Variants in SLC36A1 observed in about 807,000 individuals in gnomAD.
SLC36A1 encodes proton-coupled amino acid transporter 1.
A neutral mutation model predicts 47.5 loss-of-function variants in SLC36A1; 30 were observed. The observed-to-expected ratio is 0.63, with a 90% CI of 0.47 to 0.86. The LOEUF is 0.86. Ranked by LOEUF, SLC36A1 falls within the 40% of genes least tolerant of loss-of-function variation. The pLI is 0.00. For missense variants in SLC36A1, 517 were observed against 606.0 expected, an observed-to-expected ratio of 0.85 and a Z score of 1.54; for synonymous variants, 255 against 249.7, an observed-to-expected ratio of 1.02 and a Z score of -0.20.
the SLC36A1 span, among the ~76,000 whole-genome samples, chr5:151,354,073 G>A: frequency 1.3e-5 from 2 of 152,188 alleles, no homozygotes; most frequent in Non-Finnish European, 2.9e-5. Flanking sequence ...GAAGGCTGAG[G>A]AGGGTGGATC....
chr5:151,545,540 T>C, the SLC36A1 span: 1 of 1,614,128 alleles, frequency 6.2e-7, no homozygotes, highest in Non-Finnish European at 8.5e-7. Context: ...TTCACATCTC[T>C]GACATGAATG....
At chr5:151,372,311 G>A in the SLC36A1 span, among the ~76,000 whole-genome samples, 1 of 152,020 alleles carries the variant, frequency 6.6e-6, no homozygotes, top group African/African-American at 2.4e-5. Context: ...ATACTTCATG[G>A]TATTTCTAAA....
the SLC36A1 span, among the ~76,000 whole-genome samples, chr5:151,525,078 G>T: frequency 6.6e-6 from 1 of 152,136 alleles, no homozygotes; most frequent in South Asian, 2.1e-4. Context: ...AAATGGCCTC[G>T]CATGTAGTAG....
upstream of SLC36A1, among the ~76,000 whole-genome samples, chr5:151,445,843 T>G (rs558546239): frequency 6.6e-6 from 1 of 152,314 alleles, no homozygotes; most frequent in Admixed American, 6.5e-5. Flanking sequence ...GTGTCTTCAC[T>G]TTCATTTTTT....
chr5:151,391,434 C>A, the SLC36A1 span, among the ~76,000 whole-genome samples: 7 of 152,272 alleles, frequency 4.6e-5, no homozygotes, highest in South Asian at 1.2e-3. Flanking sequence ...ACTTCCAACA[C>A]TATGTTGAAT....
At chr5:151,513,250 G>A in the SLC36A1 span, among the ~76,000 whole-genome samples, 3 of 151,990 alleles carry the variant, frequency 2.0e-5, no homozygotes, top group South Asian at 4.2e-4. Context: ...TTTTTCTTTC[G>A]GAAAGTAATT....
At chr5:151,448,992 T>A (rs1409528977) in intron 1 of SLC36A1, among the ~76,000 whole-genome samples, 2 of 152,184 alleles carry the variant, frequency 1.3e-5, no homozygotes, top group Admixed American at 6.5e-5. Flanking sequence ...GCTCAAGTGA[T>A]CCTCCCACCT....
the SLC36A1 span, chr5:151,387,290 A>C: frequency 1.3e-5 from 2 of 152,358 alleles, no homozygotes; most frequent in African/African-American, 4.8e-5. Context: ...CAGGCTCTGG[A>C]GGACCCATGG....
chr5:151,365,745 ACTTCTTGGAAC>A, the SLC36A1 span, among the ~76,000 whole-genome samples: 2 of 152,210 alleles, frequency 1.3e-5, no homozygotes, highest in Non-Finnish European at 2.9e-5. Context: ...TAGTTCCCTA[ACTTCTTGGAAC>A]CTAGATGTCC....
At chr5:151,384,475 A>G in the SLC36A1 span, among the ~76,000 whole-genome samples, 1 of 152,190 alleles carries the variant, frequency 6.6e-6, no homozygotes, top group East Asian at 1.9e-4. Flanking sequence ...GCAAACATAT[A>G]TGTTTCATGC....
chr5:151,537,710 C>A, the SLC36A1 span: 9 of 1,379,760 alleles, frequency 6.5e-6, no homozygotes, highest in Non-Finnish European at 8.9e-6. Context: ...CCTGTTTCTT[C>A]TCCAAGGAGA....
the SLC36A1 span, among the ~76,000 whole-genome samples, chr5:151,528,730 T>C: frequency 6.6e-6 from 1 of 152,090 alleles, no homozygotes; most frequent in Non-Finnish European, 1.5e-5. Context: ...TGGACAGAAC[T>C]GGGTTTCACT....
chr5:151,467,573 G>A (rs1756625016), intron 6 of SLC36A1, 134 bp from the exon 7 acceptor site: 1 of 730,806 alleles, frequency 1.4e-6, no homozygotes, highest in African/African-American at 1.8e-5. Flanking sequence ...TCTAAAGATG[G>A]CTCACTGGCC....
the SLC36A1 span, among the ~76,000 whole-genome samples, chr5:151,351,742 A>C: frequency 6.6e-6 from 1 of 152,122 alleles, no homozygotes; most frequent in African/African-American, 2.4e-5. Context: ...CTTCATCCTC[A>C]CCACCTCCAT....
chr5:151,468,293 A>ATT (rs770748144), intron 7 of SLC36A1, among the ~76,000 whole-genome samples: 2 of 83,210 alleles, frequency 2.4e-5, no homozygotes, highest in East Asian at 4.8e-4. Flanking sequence ...ATATATATAT[A>ATT]TTTTATATAT....
At chr5:151,498,545 C>T in the SLC36A1 span, among the ~76,000 whole-genome samples, 1 of 152,196 alleles carries the variant, frequency 6.6e-6, no homozygotes, top group Non-Finnish European at 1.5e-5. Flanking sequence ...CATCAAACCT[C>T]ACGTCCTTGC....
the SLC36A1 span, among the ~76,000 whole-genome samples, chr5:151,355,931 A>G: frequency 5.6e-3 from 847 of 152,348 alleles, 7 homozygotes; most frequent in African/African-American, 0.02. Flanking sequence ...GTGTGAGAAT[A>G]TAAGTGGACA....
At chr5:151,377,498 G>A in the SLC36A1 span, among the ~76,000 whole-genome samples, 6 of 151,348 alleles carry the variant, frequency 4.0e-5, no homozygotes, top group East Asian at 5.8e-4. Flanking sequence ...ACAGGCGCGC[G>A]CCACCATGCC....
At chr5:151,543,677 G>C in the SLC36A1 span, 2 of 1,614,172 alleles carry the variant, frequency 1.2e-6, no homozygotes, top group African/African-American at 2.7e-5. Context: ...TCATAAAGGT[G>C]CTGCTGGAAC....
Sources: gnomAD v4.1 joint callset for allele counts (sites outside exome capture counted in the v4.1 genomes callset) on GRCh38, gnomAD v4.1.1 for gene constraint, MANE v1.5 for transcripts, NCBI Gene and HGNC (gene_info 2026-07-23, HGNC 2026-07-21) for gene names.